Variants in CAPN14 observed in about 807,000 individuals in gnomAD.
CAPN14 encodes calpain-14.
In CAPN14, 94 loss-of-function variants were observed where a neutral mutation model predicts 101.3. The ratio of observed to expected loss-of-function variants is 0.93; its 90% CI spans 0.79 to 1.10. CAPN14 has a LOEUF of 1.10. Among genes scored for constraint, CAPN14 ranks in the 50% least tolerant of loss-of-function variants. CAPN14 has a pLI of 0.00. For missense variants in CAPN14, 837 were observed against 828.4 expected, an observed-to-expected ratio of 1.01 and a Z score of -0.13; for synonymous variants, 338 against 317.9, an observed-to-expected ratio of 1.06 and a Z score of -0.67.
chr2:31,206,615 C>CA (rs1276056682), intron 1 of CAPN14, among the ~76,000 whole-genome samples: 3 of 151,986 alleles, frequency 2.0e-5, no homozygotes, highest in African/African-American at 4.8e-5. Flanking sequence ...AAAAGGGGGA[C>CA]AAAAAAATCA....
At chr2:31,232,783 G>A (rs1055906836) in intron 1 of CAPN14, among the ~76,000 whole-genome samples, 2 of 152,218 alleles carry the variant, frequency 1.3e-5, no homozygotes, top group South Asian at 4.2e-4. Flanking sequence ...AGATTTATGC[G>A]GGGACACAAA....
intron 1 of CAPN14, among the ~76,000 whole-genome samples, chr2:31,206,420 T>C (rs1682099207): frequency 6.6e-6 from 1 of 152,170 alleles, no homozygotes; most frequent in South Asian, 2.1e-4. Flanking sequence ...ACCCAGCTAA[T>C]TTTTGTATTT....
intron 8 of CAPN14, among the ~76,000 whole-genome samples, chr2:31,195,153 C>T (rs1176142700): frequency 2.0e-5 from 3 of 151,980 alleles, no homozygotes; most frequent in Non-Finnish European, 4.4e-5. Flanking sequence ...GCAAAGTATC[C>T]GAAAGGAGGG....
chr2:31,225,640 G>A (rs971112642), intron 2 of CAPN14, among the ~76,000 whole-genome samples: 10 of 152,044 alleles, frequency 6.6e-5, no homozygotes, highest in African/African-American at 2.4e-4. Context: ...TGACTTATCT[G>A]TCCATTATTG....
upstream of CAPN14, among the ~76,000 whole-genome samples, chr2:31,218,717 A>G (rs977490237): frequency 6.6e-6 from 1 of 152,238 alleles, no homozygotes; most frequent in Admixed American, 6.5e-5. Context: ...CTCGCCCAAG[A>G]TAACCGCAGC....
At chr2:31,218,723 G>A (rs112991416), upstream of CAPN14, among the ~76,000 whole-genome samples, 4 of 152,156 alleles carry the variant, frequency 2.6e-5, no homozygotes, top group Admixed American at 6.5e-5. Context: ...CAAGATAACC[G>A]CAGCCAGTAA....
At chr2:31,206,468 G>C (rs543536756) in intron 1 of CAPN14, among the ~76,000 whole-genome samples, 2 of 152,162 alleles carry the variant, frequency 1.3e-5, no homozygotes, top group East Asian at 1.9e-4. Flanking sequence ...GGCCAGGCTG[G>C]TCTCGAACTC....
At chr2:31,188,168 G>A in intron 14 of CAPN14, 150 bp downstream of exon 14, 1 of 727,304 alleles carries the variant, frequency 1.4e-6, no homozygotes, top group East Asian at 2.7e-5. Context: ...CCCAGGTACT[G>A]TTAGGATACA....
intron 1 of CAPN14, among the ~76,000 whole-genome samples, chr2:31,211,053 A>G (rs1266847403): frequency 1.3e-5 from 2 of 152,258 alleles, no homozygotes; most frequent in East Asian, 3.9e-4. Context: ...GATATTTACT[A>G]AAAAAATCTA....
chr2:31,200,572 A>G lies in CAPN14; in HGVS notation c.605T>C (p.Val202Ala), dbSNP rs1681703646. ...CATTGTCACCCCTCCAGTGAAGTCT[A>G]CAAGGGCTTCAGACACCTGTCCTGA... ...LQSGQVSEAL[V>A]DFTGGVTMTI... The change falls in exon 6 of 22, where the codon GTA becomes GCA. Residue 202 changes from valine (V) to alanine (A), a missense_variant. Transcript: ENST00000403897. The G allele has an allele frequency of 6.4e-6, 10 of 1,551,544 alleles. No individual in the cohort carries two copies. The highest frequency in any genetic ancestry group is 2.0e-5 in the Admixed American group (1 of 50,978).
intron 10 of CAPN14, among the ~76,000 whole-genome samples, chr2:31,192,501 T>C (rs1681244709): frequency 6.6e-6 from 1 of 152,184 alleles, no homozygotes; most frequent in African/African-American, 2.4e-5. Context: ...GGGGAAATAC[T>C]GTGTCAAAAG....
chr2:31,186,009 T>G (rs1282912809), intron 16 of CAPN14, among the ~76,000 whole-genome samples: 1 of 152,218 alleles, frequency 6.6e-6, no homozygotes, highest in African/African-American at 2.4e-5. Flanking sequence ...TTCCAGAGTT[T>G]TGTTGCTTGA....
intron 1 of CAPN14, among the ~76,000 whole-genome samples, chr2:31,213,663 T>C (rs533462575): frequency 9.8e-5 from 15 of 152,352 alleles, no homozygotes; most frequent in African/African-American, 3.6e-4. Context: ...TCTAATTGAT[T>C]CGTTGACTTT....
At chr2:31,200,397 G>A in intron 6 of CAPN14, 54 bp downstream of exon 6, 1 of 1,465,442 alleles carries the variant, frequency 6.8e-7, no homozygotes, top group Non-Finnish European at 9.2e-7. Flanking sequence ...GTGGTGGATG[G>A]AGGGCATGGG....
intron 1 of CAPN14, among the ~76,000 whole-genome samples, chr2:31,209,190 T>C (rs1302392241): frequency 6.7e-6 from 1 of 148,334 alleles, no homozygotes; most frequent in African/African-American, 2.5e-5. Context: ...TTGCCCAGGC[T>C]AGTCTCTAAC....
intron 1 of CAPN14, among the ~76,000 whole-genome samples, chr2:31,215,549 C>T (rs1454180512): frequency 6.6e-6 from 1 of 152,174 alleles, no homozygotes; most frequent in Non-Finnish European, 1.5e-5. Context: ...CTGACCCCCT[C>T]TACCTCAAAT....
At chr2:31,229,363 C>T (rs1683119980) in intron 1 of CAPN14, among the ~76,000 whole-genome samples, 10 of 151,982 alleles carry the variant, frequency 6.6e-5, no homozygotes, top group Admixed American at 6.6e-4. Flanking sequence ...TCTTGAACCA[C>T]AGTTATGAAA....
At chr2:31,209,470 C>G (rs1682281581) in intron 1 of CAPN14, among the ~76,000 whole-genome samples, 1 of 152,142 alleles carries the variant, frequency 6.6e-6, no homozygotes, top group African/African-American at 2.4e-5. Flanking sequence ...TGAACGCTAA[C>G]TAGCTTGTGA....
chr2:31,201,039 G>A (rs1314991701), intron 5 of CAPN14, among the ~76,000 whole-genome samples: 1 of 152,134 alleles, frequency 6.6e-6, no homozygotes, highest in African/African-American at 2.4e-5. Flanking sequence ...GTCCACCACA[G>A]GTCCATTTTC....
Sources: allele counts gnomAD v4.1 joint callset (sites outside exome capture counted in the v4.1 genomes callset), GRCh38; gene constraint gnomAD v4.1.1; transcripts MANE v1.5; gene names NCBI Gene and HGNC (gene_info 2026-07-23, HGNC 2026-07-21).